Variants in DPF3 observed in about 807,000 individuals in gnomAD.
The protein encoded by DPF3 is zinc finger protein DPF3.
DPF3 carries 18 observed loss-of-function variants against 56.8 expected under a neutral mutation model. That is an observed-to-expected ratio of 0.32 (90% confidence interval 0.22 to 0.47). The LOEUF is 0.47. DPF3 is among the 20% of genes least tolerant of loss of function. The probability of loss-of-function intolerance (pLI) is 1.00; values close to 1 mark genes in which losing one functional copy is unlikely to be tolerated. For synonymous variants in DPF3, 188 were observed against 180.2 expected, an observed-to-expected ratio of 1.04 and a Z score of -0.35; for missense variants, 403 against 488.8, an observed-to-expected ratio of 0.82 and a Z score of 1.65.
chr14:72,839,986 C>A (rs1049065244), intron 1 of DPF3, among the ~76,000 whole-genome samples: 8 of 152,216 alleles, frequency 5.3e-5, no homozygotes, highest in African/African-American at 1.9e-4. Flanking sequence ...CAGCACCACT[C>A]AGTCACTGTG....
intron 1 of DPF3, among the ~76,000 whole-genome samples, chr14:72,809,784 C>A (rs57732649): frequency 0.012 from 1,866 of 152,260 alleles, 31 homozygotes; most frequent in African/African-American, 0.043. Context: ...CCAGGGAATA[C>A]CAATGCAAAC....
intron 4 of DPF3, among the ~76,000 whole-genome samples, chr14:72,728,773 T>C (rs1889514394): frequency 1.3e-5 from 2 of 152,112 alleles, no homozygotes; most frequent in Admixed American, 1.3e-4. Context: ...TCGAGGAGTT[T>C]ACATTCTACT....
intron 1 of DPF3, among the ~76,000 whole-genome samples, chr14:72,818,510 T>A (rs12434506): frequency 0.094 from 14,218 of 152,000 alleles, 820 homozygotes; most frequent in Admixed American, 0.18. Context: ...AAAGACCCTA[T>A]CTCTACAAAG....
At chr14:72,772,140 G>A (rs1422289757) in intron 1 of DPF3, among the ~76,000 whole-genome samples, 1 of 152,202 alleles carries the variant, frequency 6.6e-6, no homozygotes, top group Admixed American at 6.5e-5. Context: ...CAAAGAGCAT[G>A]GGCTTCCAAG....
intron 8 of DPF3, among the ~76,000 whole-genome samples, chr14:72,634,552 G>A (rs1885333402): frequency 6.6e-6 from 1 of 152,054 alleles, no homozygotes; most frequent in African/African-American, 2.4e-5. Context: ...AAAAAAAGAG[G>A]CACATGGCTA....
chr14:72,874,370 T>G (rs1431526267), intron 1 of DPF3, among the ~76,000 whole-genome samples: 1 of 151,098 alleles, frequency 6.6e-6, no homozygotes, highest in Non-Finnish European at 1.5e-5. Flanking sequence ...TCCCAGCTAC[T>G]CGAAAGGCTA....
At chr14:72,745,259 G>T (rs79144759) in intron 3 of DPF3, among the ~76,000 whole-genome samples, 1,829 of 152,084 alleles carry the variant, frequency 0.012, 38 homozygotes, top group African/African-American at 0.043. Flanking sequence ...TGTACAATTT[G>T]CTTTTTGTTG....
intron 1 of DPF3, among the ~76,000 whole-genome samples, chr14:72,844,197 T>C (rs12891060): frequency 0.58 from 88,710 of 152,078 alleles, 26,706 homozygotes; most frequent in East Asian, 0.88. Flanking sequence ...ATACAGGCAT[T>C]CTGAGGTCTA....
chr14:72,771,012 C>T (rs954430959), intron 2 of DPF3, among the ~76,000 whole-genome samples: 7 of 151,896 alleles, frequency 4.6e-5, no homozygotes, highest in Non-Finnish European at 8.8e-5. Flanking sequence ...CCCGTCTCTA[C>T]TAAAAATACA....
chr14:72,732,908 C>CTCTT (rs544188985), intron 3 of DPF3, among the ~76,000 whole-genome samples: 2 of 147,490 alleles, frequency 1.4e-5, no homozygotes, highest in Non-Finnish European at 3.0e-5. Context: ...TTCTTTCTTT[C>CTCTT]TCTTTCTTTC....
chr14:72,780,983 T>C (rs1338567618), intron 1 of DPF3, among the ~76,000 whole-genome samples: 1 of 152,210 alleles, frequency 6.6e-6, no homozygotes, highest in East Asian at 1.9e-4. Flanking sequence ...TCTAGAGGCT[T>C]GGGATGTGAT....
At chr14:72,870,595 A>G (rs1027836429) in intron 1 of DPF3, among the ~76,000 whole-genome samples, 9 of 152,244 alleles carry the variant, frequency 5.9e-5, no homozygotes, top group African/African-American at 2.2e-4. Context: ...TTGTTCTATG[A>G]GTAAAACAAT....
intron 1 of DPF3, among the ~76,000 whole-genome samples, chr14:72,842,448 G>A (rs902966081): frequency 2.0e-5 from 3 of 152,150 alleles, no homozygotes; most frequent in Non-Finnish European, 2.9e-5. Flanking sequence ...TCTCACAAAC[G>A]CAATGTTAAA....
At chr14:72,674,134 C>G in intron 8 of DPF3, 106 bp downstream of exon 8, 1 of 1,412,850 alleles carries the variant, frequency 7.1e-7, no homozygotes, top group South Asian at 1.6e-5. Flanking sequence ...AAAGCATTGC[C>G]ACCATCGCTT....
chr14:72,765,100 A>T (rs1891219871), intron 2 of DPF3, among the ~76,000 whole-genome samples: 1 of 152,240 alleles, frequency 6.6e-6, no homozygotes, highest in Non-Finnish European at 1.5e-5. Flanking sequence ...ATAGAGAATA[A>T]AACAGTTTAT....
chr14:72,822,515 A>G (rs1171049132), intron 1 of DPF3, among the ~76,000 whole-genome samples: 1 of 152,254 alleles, frequency 6.6e-6, no homozygotes, highest in African/African-American at 2.4e-5. Flanking sequence ...TTATGTTTAT[A>G]TAACATCACC....
chr14:72,766,499 T>G (rs560743510), intron 2 of DPF3, among the ~76,000 whole-genome samples: 9 of 152,248 alleles, frequency 5.9e-5, no homozygotes, highest in Non-Finnish European at 7.3e-5. Flanking sequence ...TAGCCTGGGC[T>G]GGAGTGCAAT....
chr14:72,769,848 T>C (rs1288891946), intron 2 of DPF3, among the ~76,000 whole-genome samples: 1 of 152,136 alleles, frequency 6.6e-6, no homozygotes, highest in East Asian at 1.9e-4. Flanking sequence ...ATTATTATAT[T>C]GATCGTCTTT....
chr14:72,884,956 A>AG (rs1463762453), intron 1 of DPF3, among the ~76,000 whole-genome samples: 1 of 97,302 alleles, frequency 1.0e-5, no homozygotes, highest in Non-Finnish European at 2.2e-5. Context: ...ATATATATAT[A>AG]TATATATATA....
Sources: gnomAD v4.1 joint callset for allele counts (sites outside exome capture counted in the v4.1 genomes callset) on GRCh38, gnomAD v4.1.1 for gene constraint, MANE v1.5 for transcripts, NCBI Gene and HGNC (gene_info 2026-07-23, HGNC 2026-07-21) for gene names.